CIDEB: variants seen among roughly 807,000 people sequenced by gnomAD.
CIDEB encodes cell death inducing DFFA like effector b, also known as lipid transferase CIDEB.
A neutral mutation model predicts 22.4 loss-of-function variants in CIDEB; 27 were observed. The observed-to-expected ratio is 1.21, with a 90% CI of 0.89 to 1.66. The LOEUF is 1.66. Among genes scored for constraint, CIDEB ranks in the 40% most tolerant of loss-of-function variants. CIDEB has a pLI of 0.00. For missense variants in CIDEB, 289 were observed against 268.7 expected (o/e 1.08, Z -0.53); for synonymous variants, 103 against 109.5 (o/e 0.94, Z 0.37).
chr14:24,308,060 G>A (rs2041575767), upstream of CIDEB: 2 of 609,852 alleles, frequency 3.3e-6, no homozygotes, highest in South Asian at 1.9e-5. Context: ...GGGGCCAGAT[G>A]GGGTCCTGGA....
At position 24,307,402 on chromosome 14, in the gene CIDEB, G is replaced by A. The variant is rs372931926; in HGVS notation, c.155C>T (p.Thr52Ile). 1.9e-5 allele frequency: 30 copies of A among 1,613,942 alleles called. No homozygotes were observed. The highest frequency in any genetic ancestry group is 2.3e-5 in the Non-Finnish European group (27 of 1,179,960). The change falls in exon 2 of 5, where the codon ACA becomes ATA. Residue 52 changes from threonine (T) to isoleucine (I), a missense_variant. Thr to Ile is a moderately conservative substitution (Grantham distance 89, BLOSUM62 -1). Coordinates refer to ENST00000554411, the MANE Select transcript of CIDEB (RefSeq NM_001393339.1). Reference protein sequence around the residue: ...DHKRTIRKGLTAATRQELLAK... With the variant: ...DHKRTIRKGLIAATRQELLAK... ...TAGCAGCTCCTGGCGGGTGGCAGCTGTCAGGCCTTTCCGGATGGTCCGCTT... is the reference window on the plus strand; with the variant it reads ...TAGCAGCTCCTGGCGGGTGGCAGCTATCAGGCCTTTCCGGATGGTCCGCTT...
upstream of CIDEB, chr14:24,311,417 G>A (rs781220640): frequency 2.5e-6 from 4 of 1,601,432 alleles, no homozygotes; most frequent in Admixed American, 1.7e-5. Flanking sequence ...CGGTCGCAGC[G>A]CTGGCTCCAC....
rs1223798921 is a variant in CIDEB, at chr14:24,306,092, T to C, written c.382A>G (p.Ser128Gly). 1.9e-6 allele frequency: 3 copies of C among 1,614,158 alleles called. No homozygotes were observed. The African/African-American group carries it at 4.0e-5, about 22-fold the overall frequency. ...YGLGRERPKH[S>G]KDIARFTFDV... Reference sequence around the variant, plus strand: ...AAGGTGAATCGGGCGATGTCCTTGCTGTGCTTGGGCCTCTCCCGTCCCAGG... The same window carrying C: ...AAGGTGAATCGGGCGATGTCCTTGCCGTGCTTGGGCCTCTCCCGTCCCAGG... The change falls in exon 4 of 5, where the codon AGC becomes GGC. Residue 128 changes from serine (S) to glycine (G), a missense_variant. Ser to Gly is a moderately conservative substitution (Grantham distance 56). Coordinates refer to ENST00000554411, the MANE Select transcript of CIDEB (RefSeq NM_001393339.1).
upstream of CIDEB, chr14:24,311,134 C>T (rs1260182115): frequency 1.3e-6 from 2 of 1,588,594 alleles, no homozygotes; most frequent in Non-Finnish European, 1.7e-6. Context: ...GTCCCGGCCG[C>T]CGTCTACCGC....
At position 24,306,034 on chromosome 14, in the gene CIDEB, A is replaced by T; in HGVS notation, c.440T>A (p.Phe147Tyr). The T allele has an allele frequency of 6.2e-7, 1 of 1,614,176 alleles. No homozygotes were observed. The highest frequency in any genetic ancestry group is 8.5e-7 in the Non-Finnish European group (1 of 1,180,028). Reference sequence around the variant, plus strand: ...TGTGGCTTTGACATTCAGGCTGCCAAAGAGGTCTCGAGGGTTTTGCTTGTA... The same window carrying T: ...TGTGGCTTTGACATTCAGGCTGCCATAGAGGTCTCGAGGGTTTTGCTTGTA... ...DVYKQNPRDL[F>Y]GSLNVKATFY... The change falls in exon 4 of 5, where the codon TTT becomes TAT. Residue 147 changes from phenylalanine to tyrosine, a missense_variant. Transcript: ENST00000554411.
At chr14:24,307,577 T>C in intron 1 of CIDEB, 62 bp from the exon 2 acceptor site, 1 of 1,568,640 alleles carries the variant, frequency 6.4e-7, no homozygotes, top group Non-Finnish European at 8.7e-7. Context: ...GTAAAGGGCA[T>C]GATGAGGGTA....
At chr14:24,311,128 C>A, upstream of CIDEB, 1 of 1,584,830 alleles carries the variant, frequency 6.3e-7, no homozygotes, top group East Asian at 2.3e-5. Flanking sequence ...CTCGCCGTCC[C>A]GGCCGCCGTC....
chr14:24,306,426 T>C lies in CIDEB; in HGVS notation c.284A>G (p.Asp95Gly). 6.2e-7 allele frequency: 1 copy of C among 1,614,222 alleles called. No homozygotes were observed. The highest frequency in any genetic ancestry group is 8.5e-7 in the Non-Finnish European group (1 of 1,180,040). ...CTGCAACACCATCAGGCACGTGTCA[T>C]CCTCCAGCAGCTGGAAGAAGTCCTC... is the stretch of plus-strand genomic sequence containing the variant. Reference protein sequence around the residue: ...DSEDFFQLLEDDTCLMVLQSG... With the variant: ...DSEDFFQLLEGDTCLMVLQSG... Residue 95 changes from aspartate to glycine, a missense_variant, in exon 3 of 5, where the codon GAT becomes GGT. Asp to Gly is a moderately conservative substitution (Grantham distance 94). Transcript: ENST00000554411.
At position 24,305,661 on chromosome 14, in the gene CIDEB, T is replaced by G. The variant is rs1386909006; in HGVS notation, c.632A>C (p.Gln211Pro). The G allele has an allele frequency of 6.2e-7, 1 of 1,613,920 alleles. No individual in the cohort carries two copies. The highest frequency in any genetic ancestry group is 8.5e-7 in the Non-Finnish European group (1 of 1,179,976). ...RHAVEGAEQW[Q>P]QKGRLHSY is the part of the protein sequence containing the mutation. The stretch of plus-strand genomic sequence containing the variant: ...GTAGGAATGGAGGCGGCCCTTCTGC[T>G]GCCACTGCTCAGCCCCCTCCACTGC... Residue 211 changes from glutamine to proline, a missense_variant, in exon 5 of 5, where the codon CAG becomes CCG. Coordinates refer to ENST00000554411, the MANE Select transcript of CIDEB (RefSeq NM_001393339.1).
Position 24,305,728 on chromosome 14 carries a change from G to GGCCTT in CIDEB, c.560_564dup (p.Leu189LysfsTer37). ...GAAATTCCCAGCAACATATGGCCCA[G>GGCCTT]GCCTTGCAGCAGTGTGGAGGTCCAA... is the stretch of plus-strand genomic sequence containing the variant. On this transcript the variant is annotated frameshift_variant, in exon 5 of 5. Coordinates refer to ENST00000554411, the MANE Select transcript of CIDEB (RefSeq NM_001393339.1). LOFTEE classifies it high-confidence loss of function. The GGCCTT allele has an allele frequency of 6.2e-7, 1 of 1,614,190 alleles. No individual in the cohort carries two copies. The highest frequency in any genetic ancestry group is 8.5e-7 in the Non-Finnish European group (1 of 1,180,032).
upstream of CIDEB, chr14:24,311,002 G>A (rs1372605355): frequency 1.3e-6 from 2 of 1,586,620 alleles, no homozygotes; most frequent in Admixed American, 1.7e-5. Flanking sequence ...CTGCTCACCG[G>A]CCTGCTCAGC....
In CIDEB at chr14:24,307,824, A is replaced by T. The variant is rs542250063; in HGVS notation, c.35T>A (p.Leu12Ter). ...EYLSALNPSD[L>*]LRSVSNISSE... is the part of the protein sequence containing the mutation. Reference sequence around the variant, plus strand: ...GCGGAGGGTTAGCAGTCACCTGAGTAAGTCACTGGGGTTCAGAGCTGAGAG... The same window carrying T: ...GCGGAGGGTTAGCAGTCACCTGAGTTAGTCACTGGGGTTCAGAGCTGAGAG... The change falls in exon 1 of 5, where the codon TTA becomes TAA. Residue 12 changes from leucine (L) to a stop codon, truncating the protein, a stop_gained. Coordinates refer to ENST00000554411, the MANE Select transcript of CIDEB (RefSeq NM_001393339.1). LOFTEE classifies it high-confidence loss of function. 4 of 1,595,516 alleles carry T rather than the reference A, an allele frequency of 2.5e-6. No individual in the cohort carries two copies. The highest frequency in any genetic ancestry group is 3.4e-6 in the Non-Finnish European group (4 of 1,170,700).
chr14:24,311,340 G>C, upstream of CIDEB: 1 of 1,604,808 alleles, frequency 6.2e-7, no homozygotes, highest in South Asian at 1.1e-5. Context: ...GGGCCGGCTG[G>C]TGAGCGCCAT....
Position 24,307,667 on chromosome 14 carries a change from G to A in CIDEB, c.41+151C>T, listed in dbSNP as rs993580172. 4.2e-6 allele frequency: 5 copies of A among 1,204,790 alleles called. No individual in the cohort carries two copies. The Admixed American group carries it at 8.2e-5, about 20-fold the overall frequency. 74.6% of individuals were successfully genotyped at this position (1,204,790 alleles called of 1,614,324 possible). A position where few individuals can be genotyped will look rare whatever the true frequency, so the allele number is the denominator to read the frequency against. On this transcript the variant is annotated intron_variant, in intron 1 of 4. Coordinates refer to ENST00000554411, the MANE Select transcript of CIDEB (RefSeq NM_001393339.1). ...GGAGAGACCATGGAGTGCAGGTGGG[G>A]GCGGGTGGCTCAGGAGCTTGACAAG...
chr14:24,305,577 A>G lies in CIDEB; in HGVS notation c.*56T>C. 5.7e-6 allele frequency: 9 copies of G among 1,576,120 alleles called. No homozygotes were observed. Among genetic ancestry groups the G allele is most frequent in the Non-Finnish European group, 7.7e-6 (9 of 1,162,878 alleles). On this transcript the variant is annotated 3_prime_UTR_variant, in exon 5 of 5. Transcript: ENST00000554411. ...GCAGGTCCTGAAATTTGATGCTGTC[A>G]TAGTCTTTGCAGTGGGTCGGTTGGA...
At position 24,306,524 on chromosome 14, in the gene CIDEB, C is replaced by T; in HGVS notation, c.187-1G>A. 6.2e-7 allele frequency: 1 copy of T among 1,614,284 alleles called. No homozygotes were observed. Among genetic ancestry groups the T allele is most frequent in the Non-Finnish European group, 8.5e-7 (1 of 1,180,054 alleles). Reference sequence around the variant, plus strand: ...CATTCAGCAGTAGGGTCTCCAATGCCTGCCCAATGGCAAGAAGCAAGAAGG... The same window carrying T: ...CATTCAGCAGTAGGGTCTCCAATGCTTGCCCAATGGCAAGAAGCAAGAAGG... On this transcript the variant is annotated splice_acceptor_variant, in intron 2 of 4. Transcript: ENST00000554411. LOFTEE classifies it high-confidence loss of function.
chr14:24,305,551 T>G lies in CIDEB; in HGVS notation c.*82A>C. ...GGTGGGTTATCTAGCCTGTACTGTC[T>G]GCAGGTCCTGAAATTTGATGCTGTC... On this transcript the variant is annotated 3_prime_UTR_variant, in exon 5 of 5. Transcript: ENST00000554411. The G allele has an allele frequency of 6.5e-7, 1 of 1,531,688 alleles. No homozygotes were observed. The highest frequency in any genetic ancestry group is 8.8e-7 in the Non-Finnish European group (1 of 1,134,806). 94.9% of individuals were successfully genotyped at this position (1,531,688 alleles called of 1,614,324 possible). A position where few individuals can be genotyped will look rare whatever the true frequency, so the allele number is the denominator to read the frequency against.
upstream of CIDEB, chr14:24,311,248 G>C: frequency 6.2e-7 from 1 of 1,607,260 alleles, no homozygotes; most frequent in Non-Finnish European, 8.5e-7. Context: ...CTTCCTTTCG[G>C]GCTGATGCTC....
At position 24,306,366 on chromosome 14, in the gene CIDEB, C is replaced by T; in HGVS notation, c.336+8G>A. ...GCATTGGAAGCAGCCCCAGTATAGGCCTCTTACCCTTGTAGGGCTCCAGCT... is the reference window on the plus strand; with the variant it reads ...GCATTGGAAGCAGCCCCAGTATAGGTCTCTTACCCTTGTAGGGCTCCAGCT... On this transcript the variant is annotated splice_region_variant and intron_variant, in intron 3 of 4. Coordinates refer to ENST00000554411, the MANE Select transcript of CIDEB (RefSeq NM_001393339.1). 2.4e-5 allele frequency: 39 copies of T among 1,614,170 alleles called. No individual in the cohort carries two copies. The highest frequency in any genetic ancestry group is 3.2e-5 in the Non-Finnish European group (38 of 1,180,024).
Sources: allele counts gnomAD v4.1 joint callset, GRCh38; gene constraint gnomAD v4.1.1; transcripts MANE v1.5; gene names NCBI Gene and HGNC (gene_info 2026-07-23, HGNC 2026-07-21).